Variants in TANK observed in about 807,000 individuals in gnomAD.
TANK encodes TRAF family member associated NFKB activator.
TANK carries 15 observed loss-of-function variants against 43.6 expected under a neutral mutation model. The observed-to-expected ratio is 0.34, with a 90% CI of 0.23 to 0.53. TANK has a LOEUF of 0.53. Among genes scored for constraint, TANK ranks in the 20% least tolerant of loss-of-function variants. The probability of loss-of-function intolerance (pLI) is 0.94; values close to 1 mark genes in which losing one functional copy is unlikely to be tolerated. For synonymous variants in TANK, 162 were observed against 178.2 expected (o/e 0.91, Z 0.73); for missense variants, 417 against 498.6 (o/e 0.84, Z 1.56).
chr2:161,212,601 A>C, intron 4 of TANK: 1 of 985,324 alleles, frequency 1.0e-6, no homozygotes, highest in Non-Finnish European at 1.2e-6. Context: ...CACCTTCTAA[A>C]TTGTCTTTCC....
chr2:161,158,887 G>A (rs1684294507), upstream of TANK, among the ~76,000 whole-genome samples: 1 of 152,066 alleles, frequency 6.6e-6, no homozygotes, highest in Non-Finnish European at 1.5e-5. Context: ...ATGGGCCAAA[G>A]GCCTTTACCT....
intron 1 of TANK, among the ~76,000 whole-genome samples, chr2:161,166,834 G>A (rs1364480095): frequency 6.6e-6 from 1 of 152,118 alleles, no homozygotes; most frequent in Non-Finnish European, 1.5e-5. Context: ...CACAGAATTT[G>A]TCTTTCATTC....
intron 1 of TANK, among the ~76,000 whole-genome samples, chr2:161,144,594 C>A (rs1683850296): frequency 6.6e-6 from 1 of 152,094 alleles, no homozygotes. Context: ...GTTCAATTTC[C>A]ATGTAGTTGT....
At chr2:161,215,088 A>G (rs746609977) in intron 4 of TANK, among the ~76,000 whole-genome samples, 34 of 152,168 alleles carry the variant, frequency 2.2e-4, no homozygotes, top group Non-Finnish European at 5.9e-5. Flanking sequence ...CCTGACATGA[A>G]CAGCAAAAAT....
rs981167428 is a variant in TANK at position 161,215,160 on chromosome 2, C to T, written c.328-8755C>T. ...TCCCAACAGTGGATCCCTTGAAAGGCTCTTGGGACCTTTAAGGATCCTGGA... is the reference window on the plus strand; with the variant it reads ...TCCCAACAGTGGATCCCTTGAAAGGTTCTTGGGACCTTTAAGGATCCTGGA... On this transcript the variant is annotated intron_variant, in intron 4 of 7. Coordinates refer to ENST00000392749, the MANE Select transcript of TANK (RefSeq NM_001199135.3). Among the ~76,000 whole-genome samples, 4 of 152,208 alleles carry T rather than the reference C, an allele frequency of 2.6e-5. 1 individual carries two copies. Among genetic ancestry groups the T allele is most frequent in the Non-Finnish European group, 4.4e-5 (3 of 68,042 alleles).
At chr2:161,216,802 A>G (rs1037546677) in intron 4 of TANK, among the ~76,000 whole-genome samples, 2 of 152,164 alleles carry the variant, frequency 1.3e-5, no homozygotes, top group African/African-American at 4.8e-5. Flanking sequence ...AAAAAGGATA[A>G]TTTCTAGACA....
At chr2:161,161,029 G>A in intron 1 of TANK, 1 of 530,130 alleles carries the variant, frequency 1.9e-6, no homozygotes, top group Non-Finnish European at 3.3e-6. Context: ...CTTCCCAGAG[G>A]GTCACGGAGG....
chr2:161,229,638 C>G lies in TANK; in HGVS notation c.521-1333C>G, dbSNP rs557011454. Among the ~76,000 whole-genome samples, 6 of 152,252 alleles carry G rather than the reference C, an allele frequency of 3.9e-5. No individual in the cohort carries two copies. The Middle Eastern group carries it at 0.01, about 259-fold the overall frequency. On this transcript the variant is annotated intron_variant, in intron 6 of 7. Coordinates refer to ENST00000392749, the MANE Select transcript of TANK (RefSeq NM_001199135.3). ...ACAGAAAAAAATATATTGGAATGTG[C>G]TGTGGCAAAAGACAGAGAGGTGTCA... is the stretch of plus-strand genomic sequence containing the variant.
chr2:161,212,671 C>T (rs781318507), intron 4 of TANK: 23 of 985,326 alleles, frequency 2.3e-5, no homozygotes, highest in Non-Finnish European at 2.7e-5. Context: ...TTTCCCCTAT[C>T]ATCCCTTTTC....
intron 1 of TANK, among the ~76,000 whole-genome samples, chr2:161,177,591 T>C (rs979892327): frequency 3.3e-5 from 5 of 152,000 alleles, no homozygotes; most frequent in African/African-American, 9.7e-5. Context: ...AAAGAAACAA[T>C]TGAAAATCTT....
intron 4 of TANK, chr2:161,212,206 A>C: frequency 3.4e-6 from 1 of 293,994 alleles, no homozygotes; most frequent in Non-Finnish European, 5.0e-6. Flanking sequence ...GATTACATGC[A>C]CACACCACCA....
intron 1 of TANK, among the ~76,000 whole-genome samples, chr2:161,147,604 A>G (rs1683952814): frequency 6.6e-6 from 1 of 152,182 alleles, no homozygotes; most frequent in African/African-American, 2.4e-5. Context: ...CCACCGCACC[A>G]TAATGGTCTT....
At chr2:161,235,271 A>G in intron 7 of TANK, 71 bp from the exon 8 acceptor site, 1 of 1,365,172 alleles carries the variant, frequency 7.3e-7, no homozygotes, top group Non-Finnish European at 1.0e-6. Context: ...TCATTCAGAA[A>G]TTCAAATTTG....
At position 161,179,801 on chromosome 2, in the gene TANK, T is replaced by C. The variant is rs1685338477; in HGVS notation, c.99+40T>C. The C allele has an allele frequency of 1.9e-6, 3 of 1,576,870 alleles. No homozygotes were observed. The East Asian group carries it at 6.9e-5, about 36-fold the overall frequency. On this transcript the variant is annotated intron_variant, in intron 2 of 7. Coordinates refer to ENST00000392749, the MANE Select transcript of TANK (RefSeq NM_001199135.3). ...TTTTGAAAGTTATTCTTTATCTTGG[T>C]ACATGGAATTTTAGAGCCTTTTGCA... is the stretch of plus-strand genomic sequence containing the variant.
chr2:161,205,974 A>G (rs986969563), intron 4 of TANK, among the ~76,000 whole-genome samples: 1 of 152,220 alleles, frequency 6.6e-6, no homozygotes, highest in Non-Finnish European at 1.5e-5. Flanking sequence ...AAAACATAAC[A>G]TTAATGTTTG....
At chr2:161,186,416 T>A (rs1365878906) in intron 2 of TANK, among the ~76,000 whole-genome samples, 4 of 152,228 alleles carry the variant, frequency 2.6e-5, no homozygotes, top group Admixed American at 2.6e-4. Flanking sequence ...TTTTCTCCCT[T>A]ATTGTTTTCC....
intron 4 of TANK, among the ~76,000 whole-genome samples, chr2:161,206,744 A>AT (rs1027857071): frequency 6.6e-6 from 1 of 152,006 alleles, no homozygotes; most frequent in Non-Finnish European, 1.5e-5. Context: ...TTGGAATGCA[A>AT]TTTTTTTACT....
intron 1 of TANK, among the ~76,000 whole-genome samples, chr2:161,172,956 G>A (rs1318619311): frequency 6.6e-6 from 1 of 152,080 alleles, no homozygotes; most frequent in African/African-American, 2.4e-5. Flanking sequence ...TCGCTAGTTT[G>A]TAGTCCATGC....
chr2:161,149,316 AT>A (rs1684006362), intron 1 of TANK, among the ~76,000 whole-genome samples: 1 of 152,146 alleles, frequency 6.6e-6, no homozygotes, highest in Admixed American at 6.5e-5. Context: ...GAAAAAACTG[AT>A]TTTTGAGTGT....
Sources: gnomAD v4.1 joint callset for allele counts (sites outside exome capture counted in the v4.1 genomes callset) on GRCh38, gnomAD v4.1.1 for gene constraint, MANE v1.5 for transcripts, NCBI Gene and HGNC (gene_info 2026-07-23, HGNC 2026-07-21) for gene names.